NPAS3: variants seen among roughly 807,000 people sequenced by gnomAD.
NPAS3 encodes neuronal PAS domain protein 3.
In NPAS3, 14 loss-of-function variants were observed where a neutral mutation model predicts 73.1. The ratio of observed to expected loss-of-function variants is 0.19; its 90% CI spans 0.13 to 0.30. NPAS3 has a LOEUF of 0.30. Ranked by LOEUF, NPAS3 falls within the 10% of genes least tolerant of loss-of-function variation. The pLI is 1.00. For synonymous variants in NPAS3, 620 were observed against 541.5 expected, an observed-to-expected ratio of 1.14 and a Z score of -2.01; for missense variants, 1,096 against 1,250.0, an observed-to-expected ratio of 0.88 and a Z score of 1.86.
chr14:33,096,737 G>T (rs994053409), intron 2 of NPAS3, among the ~76,000 whole-genome samples: 1 of 152,226 alleles, frequency 6.6e-6, no homozygotes, highest in African/African-American at 2.4e-5. Flanking sequence ...AATTCTTTCC[G>T]TTCCTGCAAG....
intron 3 of NPAS3, among the ~76,000 whole-genome samples, chr14:33,314,750 A>G (rs543796375): frequency 5.6e-4 from 85 of 152,160 alleles, no homozygotes; most frequent in African/African-American, 2.0e-3. Context: ...TTCTACCTTT[A>G]CTATCTAACC....
intron 2 of NPAS3, among the ~76,000 whole-genome samples, chr14:33,087,978 G>A (rs140778652): frequency 1.2e-4 from 19 of 152,314 alleles, no homozygotes; most frequent in African/African-American, 3.6e-4. Flanking sequence ...AGTGAGGGGG[G>A]AGTCTAGATT....
At chr14:33,519,809 T>A (rs943165974) in intron 4 of NPAS3, among the ~76,000 whole-genome samples, 1 of 152,118 alleles carries the variant, frequency 6.6e-6, no homozygotes, top group Non-Finnish European at 1.5e-5. Context: ...CCCACATTTG[T>A]GTTTGAACCC....
chr14:33,513,954 G>C (rs1192169011), intron 4 of NPAS3, among the ~76,000 whole-genome samples: 1 of 152,008 alleles, frequency 6.6e-6, no homozygotes, highest in Non-Finnish European at 1.5e-5. Context: ...TTGCTAAAAA[G>C]CATGTACCCC....
At chr14:33,380,408 G>C (rs1423558041) in intron 4 of NPAS3, among the ~76,000 whole-genome samples, 1 of 152,092 alleles carries the variant, frequency 6.6e-6, no homozygotes. Context: ...CTGAACTGTA[G>C]CCATGCACCT....
At chr14:33,259,677 C>T (rs1466420241) in intron 3 of NPAS3, among the ~76,000 whole-genome samples, 2 of 152,122 alleles carry the variant, frequency 1.3e-5, no homozygotes, top group African/African-American at 2.4e-5. Context: ...AAAGGGAAGA[C>T]TCAAACTGTA....
intron 4 of NPAS3, among the ~76,000 whole-genome samples, chr14:33,487,565 A>C (rs1172900159): frequency 1.3e-5 from 2 of 152,238 alleles, no homozygotes; most frequent in Non-Finnish European, 2.9e-5. Context: ...AAAAAGGCTT[A>C]CAATATGAGT....
At chr14:32,979,082 A>C (rs2037798790) in intron 1 of NPAS3, among the ~76,000 whole-genome samples, 1 of 152,176 alleles carries the variant, frequency 6.6e-6, no homozygotes, top group African/African-American at 2.4e-5. Context: ...AATAGTGTGA[A>C]TCTCATAGTA....
At chr14:33,064,086 T>C (rs2041199968) in intron 2 of NPAS3, among the ~76,000 whole-genome samples, 1 of 152,166 alleles carries the variant, frequency 6.6e-6, no homozygotes, top group Non-Finnish European at 1.5e-5. Context: ...TTAAAGGAGA[T>C]CATTGTGAAT....
intron 6 of NPAS3, among the ~76,000 whole-genome samples, chr14:33,721,296 T>A (rs927500380): frequency 5.3e-5 from 8 of 152,196 alleles, no homozygotes; most frequent in African/African-American, 1.7e-4. Context: ...AGGTTGTAGA[T>A]ATTGGTTGTT....
At chr14:33,759,507 A>C (rs1259162048) in intron 7 of NPAS3, among the ~76,000 whole-genome samples, 1 of 152,178 alleles carries the variant, frequency 6.6e-6, no homozygotes, top group African/African-American at 2.4e-5. Flanking sequence ...ATTCTTAAAC[A>C]CAGTGCTATG....
intron 1 of NPAS3, among the ~76,000 whole-genome samples, chr14:33,003,701 A>T (rs564082922): frequency 6.6e-6 from 1 of 152,328 alleles, no homozygotes; most frequent in South Asian, 2.1e-4. Flanking sequence ...ATGATTTAAG[A>T]TTATTATGTG....
intron 3 of NPAS3, among the ~76,000 whole-genome samples, chr14:33,340,485 A>G (rs1359669137): frequency 6.6e-6 from 1 of 152,108 alleles, no homozygotes; most frequent in Non-Finnish European, 1.5e-5. Context: ...ACAGAGGGAG[A>G]CTCCGTCTCA....
At chr14:33,092,045 C>G (rs1164158346) in intron 2 of NPAS3, among the ~76,000 whole-genome samples, 1 of 152,166 alleles carries the variant, frequency 6.6e-6, no homozygotes, top group Non-Finnish European at 1.5e-5. Context: ...GAAGCATTCC[C>G]TTTGAAAGCT....
At chr14:33,499,227 C>G (rs868602714) in intron 4 of NPAS3, among the ~76,000 whole-genome samples, 1 of 151,596 alleles carries the variant, frequency 6.6e-6, no homozygotes, top group South Asian at 2.1e-4. Context: ...AGAATCAGAC[C>G]TCAGAGACTG....
intron 6 of NPAS3, among the ~76,000 whole-genome samples, chr14:33,710,995 G>A (rs1414704666): frequency 2.0e-5 from 3 of 152,070 alleles, no homozygotes; most frequent in Non-Finnish European, 4.4e-5. Flanking sequence ...AGAACTTCTC[G>A]AATATTTGCT....
intron 3 of NPAS3, among the ~76,000 whole-genome samples, chr14:33,359,892 G>A (rs1180606292): frequency 6.6e-6 from 1 of 152,232 alleles, no homozygotes; most frequent in Non-Finnish European, 1.5e-5. Flanking sequence ...TGCAGTAGGT[G>A]TTTTGTAGAG....
chr14:33,033,794 G>T (rs1177915713), intron 1 of NPAS3, among the ~76,000 whole-genome samples: 1 of 152,046 alleles, frequency 6.6e-6, no homozygotes, highest in Non-Finnish European at 1.5e-5. Flanking sequence ...CCTATTGTTG[G>T]TATATTGACA....
chr14:33,755,661 G>A (rs1305213165), intron 7 of NPAS3, among the ~76,000 whole-genome samples: 1 of 152,132 alleles, frequency 6.6e-6, no homozygotes, highest in Non-Finnish European at 1.5e-5. Context: ...GCTGTCTGGT[G>A]TTATTTAATA....
Sources: allele counts gnomAD v4.1 joint callset (sites outside exome capture counted in the v4.1 genomes callset), GRCh38; gene constraint gnomAD v4.1.1; transcripts MANE v1.5; gene names NCBI Gene and HGNC (gene_info 2026-07-23, HGNC 2026-07-21).